The following AGTPBP1 variants were observed in gnomAD, a reference collection of about 807,000 sequenced individuals.
The protein encoded by AGTPBP1 is ATP/GTP binding carboxypeptidase 1, also known as cytosolic carboxypeptidase 1.
A neutral mutation model predicts 143.9 loss-of-function variants in AGTPBP1; 70 were observed. The observed-to-expected ratio is 0.49, with a 90% CI of 0.40 to 0.59. The LOEUF is 0.59. Ranked by LOEUF, AGTPBP1 falls within the 20% of genes least tolerant of loss-of-function variation. The pLI, the probability that AGTPBP1 is intolerant of heterozygous loss-of-function variation, is 0.00. For synonymous variants in AGTPBP1, 463 were observed against 500.2 expected, an observed-to-expected ratio of 0.93 and a Z score of 0.99; for missense variants, 1,229 against 1,464.5, an observed-to-expected ratio of 0.84 and a Z score of 2.62.
intron 17 of AGTPBP1, among the ~76,000 whole-genome samples, chr9:85,612,609 C>A (rs947245847): frequency 3.3e-5 from 5 of 152,164 alleles, no homozygotes; most frequent in African/African-American, 1.2e-4. Context: ...TTATGGGACC[C>A]CCTGTTTGTA....
chr9:85,655,063 T>G, intron 11 of AGTPBP1, 80 bp downstream of exon 11: 1 of 1,291,230 alleles, frequency 7.7e-7, no homozygotes, highest in Non-Finnish European at 1.0e-6. Context: ...GCTGAGGAGT[T>G]AGACATAAAT....
At chr9:85,766,329 C>G in the AGTPBP1 span, among the ~76,000 whole-genome samples, 4 of 151,944 alleles carry the variant, frequency 2.6e-5, no homozygotes, top group African/African-American at 9.7e-5. Context: ...ATCAAGGCAG[C>G]CTCAGTAGAT....
chr9:85,578,911 A>G lies in AGTPBP1; in HGVS notation c.3342+9T>C, dbSNP rs1165249062. ...ATCTTTCATGGTTAGAAAACCTAAGATGTTTTACCTTGTATTTTCCCTGAT... is the reference window on the plus strand; with the variant it reads ...ATCTTTCATGGTTAGAAAACCTAAGGTGTTTTACCTTGTATTTTCCCTGAT... On this transcript the variant is annotated intron_variant, in intron 24 of 25. Transcript: ENST00000357081. The G allele has an allele frequency of 1.2e-6, 2 of 1,610,670 alleles. No homozygotes were observed. Among genetic ancestry groups the G allele is most frequent in the Non-Finnish European group, 1.7e-6 (2 of 1,178,950 alleles).
chr9:85,574,681 A>G (rs1288070497), intron 25 of AGTPBP1, among the ~76,000 whole-genome samples: 2 of 152,044 alleles, frequency 1.3e-5, no homozygotes, highest in Non-Finnish European at 2.9e-5. Flanking sequence ...GACATCAACA[A>G]AATCTTTTGA....
At chr9:85,731,872 T>C (rs944614878) in intron 1 of AGTPBP1, among the ~76,000 whole-genome samples, 11 of 152,216 alleles carry the variant, frequency 7.2e-5, no homozygotes, top group Non-Finnish European at 1.5e-4. Flanking sequence ...TTATGTATCT[T>C]TCCTGATCAT....
At chr9:85,784,321 G>A in the AGTPBP1 span, among the ~76,000 whole-genome samples, 118 of 152,306 alleles carry the variant, frequency 7.7e-4, no homozygotes, top group Middle Eastern at 6.8e-3. Context: ...AGTGGGCTCC[G>A]GAGTGAGCCT....
chr9:85,652,232 C>T (rs892113967), intron 11 of AGTPBP1, among the ~76,000 whole-genome samples: 2 of 152,076 alleles, frequency 1.3e-5, no homozygotes. Context: ...GAGTTTTGGC[C>T]GGGTGCAGTG....
intron 25 of AGTPBP1, among the ~76,000 whole-genome samples, chr9:85,558,365 G>T (rs752260896): frequency 1.3e-5 from 2 of 152,096 alleles, no homozygotes; most frequent in South Asian, 2.1e-4. Context: ...GTCTCCTTTG[G>T]GGGTGATAAA....
intron 6 of AGTPBP1, among the ~76,000 whole-genome samples, chr9:85,672,993 C>A (rs1432431682): frequency 6.6e-6 from 1 of 152,028 alleles, no homozygotes; most frequent in Non-Finnish European, 1.5e-5. Flanking sequence ...CCTTGGCCTC[C>A]CAAAGTGCTG....
chr9:85,748,008 T>G, the AGTPBP1 span, among the ~76,000 whole-genome samples: 2 of 152,162 alleles, frequency 1.3e-5, no homozygotes, highest in Non-Finnish European at 2.9e-5. Flanking sequence ...TCCTTCAACC[T>G]TTTTCCCATC....
At chr9:85,678,215 T>C (rs1454290178) in intron 5 of AGTPBP1, 120 bp downstream of exon 5, 3 of 602,264 alleles carry the variant, frequency 5.0e-6, no homozygotes, top group East Asian at 6.4e-5. Flanking sequence ...TTTCAGTTTC[T>C]AATTCCAATA....
chr9:85,623,041 C>T (rs1480682356), intron 14 of AGTPBP1, among the ~76,000 whole-genome samples: 1 of 152,074 alleles, frequency 6.6e-6, no homozygotes, highest in Non-Finnish European at 1.5e-5. Flanking sequence ...CAGTGATGTT[C>T]CATAACGCAA....
intron 2 of AGTPBP1, among the ~76,000 whole-genome samples, chr9:85,711,844 C>T (rs1837397150): frequency 6.6e-6 from 1 of 152,050 alleles, no homozygotes; most frequent in Admixed American, 6.6e-5. Flanking sequence ...GAAAAGTGGC[C>T]ACAGACAATA....
the AGTPBP1 span, chr9:85,774,075 T>A: frequency 7.7e-7 from 1 of 1,304,166 alleles, no homozygotes; most frequent in Admixed American, 1.7e-5. Context: ...AGTTGATGTG[T>A]AGGTGTGGGT....
At position 85,655,693 on chromosome 9, in the gene AGTPBP1, AC is replaced by A. The variant is rs761680775; in HGVS notation, c.910-374del. On this transcript the variant is annotated intron_variant, in intron 10 of 25. Coordinates refer to ENST00000357081, the MANE Select transcript of AGTPBP1 (RefSeq NM_001330701.2). ...TTTAAAAGGTGTAAGAAATTAAAAA[AC>A]AAAAAAAAAAACACGCATTTGACCA... Among the ~76,000 whole-genome samples the A allele has an allele frequency of 1.8e-4, 15 of 84,250 alleles. No homozygotes were observed. In the East Asian group the frequency reaches 3.0e-3, roughly 17 times the overall value. The allele number at this position is 84,250 out of a possible 152,430, so 55.3% of individuals were successfully genotyped here.
intron 25 of AGTPBP1, among the ~76,000 whole-genome samples, chr9:85,563,632 C>T (rs913790717): frequency 9.9e-5 from 15 of 152,194 alleles, no homozygotes; most frequent in African/African-American, 2.6e-4. Flanking sequence ...TTGTAACAAA[C>T]GAGAAAGACA....
At chr9:85,721,059 A>C (rs992121624) in intron 1 of AGTPBP1, among the ~76,000 whole-genome samples, 4 of 152,268 alleles carry the variant, frequency 2.6e-5, no homozygotes, top group South Asian at 4.1e-4. Flanking sequence ...GCTCTTCTGC[A>C]TTTGCTGAGG....
At chr9:85,593,482 T>A (rs560640022) in intron 18 of AGTPBP1, among the ~76,000 whole-genome samples, 1 of 152,300 alleles carries the variant, frequency 6.6e-6, no homozygotes, top group East Asian at 1.9e-4. Flanking sequence ...TAAAACACCA[T>A]TTAGAGGCAA....
intron 2 of AGTPBP1, among the ~76,000 whole-genome samples, chr9:85,700,690 C>T (rs1196868705): frequency 6.6e-6 from 1 of 152,142 alleles, no homozygotes; most frequent in African/African-American, 2.4e-5. Context: ...TTTCTGCATT[C>T]CCACTGGCTA....
Sources: allele counts gnomAD v4.1 joint callset (sites outside exome capture counted in the v4.1 genomes callset), GRCh38; gene constraint gnomAD v4.1.1; transcripts MANE v1.5; gene names NCBI Gene and HGNC (gene_info 2026-07-23, HGNC 2026-07-21).